Variants in ATRN observed in about 807,000 individuals in gnomAD.
ATRN encodes attractin.
A neutral mutation model predicts 178.7 loss-of-function variants in ATRN; 54 were observed. The ratio of observed to expected loss-of-function variants is 0.30; its 90% CI spans 0.24 to 0.38. The LOEUF is 0.38. Ranked by LOEUF, ATRN falls within the 10% of genes least tolerant of loss-of-function variation. The pLI is 1.00. For missense variants in ATRN, 1,443 were observed against 1,815.1 expected, an observed-to-expected ratio of 0.79 and a Z score of 3.73; for synonymous variants, 636 against 663.0, an observed-to-expected ratio of 0.96 and a Z score of 0.63.
chr20:3,573,757 ATTTT>A (rs1233485691), intron 12 of ATRN, among the ~76,000 whole-genome samples: 1 of 69,278 alleles, frequency 1.4e-5, no homozygotes, highest in African/African-American at 6.4e-5. Flanking sequence ...GTTTTATTTT[ATTTT>A]ATTTATTTAT....
At chr20:3,581,861 T>C (rs748605552) in intron 15 of ATRN, among the ~76,000 whole-genome samples, 10 of 152,188 alleles carry the variant, frequency 6.6e-5, no homozygotes, top group Non-Finnish European at 4.4e-5. Context: ...CATGGCTGAG[T>C]CAAGGGATAA....
At chr20:3,611,905 G>A (rs2086772457) in intron 24 of ATRN, among the ~76,000 whole-genome samples, 1 of 152,180 alleles carries the variant, frequency 6.6e-6, no homozygotes, top group South Asian at 2.1e-4. Context: ...GGGAATATAA[G>A]ATGGTACAGT....
intron 1 of ATRN, among the ~76,000 whole-genome samples, chr20:3,528,016 T>C (rs1213494419): frequency 6.6e-6 from 1 of 152,056 alleles, no homozygotes; most frequent in African/African-American, 2.4e-5. Context: ...CGTGTGTACC[T>C]GTGTAACAAA....
At chr20:3,605,700 A>G (rs2086667674) in intron 24 of ATRN, among the ~76,000 whole-genome samples, 1 of 152,182 alleles carries the variant, frequency 6.6e-6, no homozygotes. Flanking sequence ...GTGGGAGCCG[A>G]GAACACATGG....
chr20:3,571,708 C>G (rs1314063411), intron 11 of ATRN, among the ~76,000 whole-genome samples: 1 of 152,072 alleles, frequency 6.6e-6, no homozygotes, highest in Admixed American at 6.5e-5. Context: ...GCTGAAGCCC[C>G]GCTCTATGTT....
Position 3,578,708 on chromosome 20 carries a change from C to T in ATRN, c.2480C>T (p.Thr827Ile). The T allele has an allele frequency of 6.2e-7, 1 of 1,614,118 alleles. No individual in the cohort carries two copies. The highest frequency in any genetic ancestry group is 2.2e-5 in the East Asian group (1 of 44,874). ...CACAATGCCCTTTTGGCTTCTCTTACAACCCAGAAGAAGGTAGAATTTGTC... is the reference window on the plus strand; with the variant it reads ...CACAATGCCCTTTTGGCTTCTCTTATAACCCAGAAGAAGGTAGAATTTGTC... Reference protein sequence around the residue: ...RNHNALLASLTTQKKVEFVLK... With the variant: ...RNHNALLASLITQKKVEFVLK... The change falls in exon 15 of 29, where the codon ACA becomes ATA. Residue 827 changes from threonine (T) to isoleucine (I), a missense_variant. By Grantham distance (89) the Thr-to-Ile change is moderately conservative (BLOSUM62 -1). Around this residue, in one of 4 missense-constraint regions of ATRN, gnomAD observed 212 missense variants for 330.7 expected, o/e 0.64. Coordinates refer to ENST00000262919, the MANE Select transcript of ATRN (RefSeq NM_139321.3).
At chr20:3,584,126 G>A in intron 17 of ATRN, 43 bp downstream of exon 17, 5 of 1,575,970 alleles carry the variant, frequency 3.2e-6, no homozygotes, top group Non-Finnish European at 4.3e-6. Context: ...CATGCCCTCT[G>A]TATAGGCAAC....
chr20:3,589,660 T>C (rs2086411392), intron 18 of ATRN, among the ~76,000 whole-genome samples: 1 of 135,632 alleles, frequency 7.4e-6, no homozygotes, highest in Admixed American at 7.4e-5. Flanking sequence ...TGTGTAGATC[T>C]GTCAATATTG....
intron 2 of ATRN, among the ~76,000 whole-genome samples, chr20:3,535,626 C>CACACACACACACACACACACACAT (rs1491226542): frequency 8.1e-4 from 94 of 115,894 alleles, no homozygotes; most frequent in Admixed American, 3.1e-3. Flanking sequence ...CACACACACA[C>CACACACACACACACACACACACAT]ATATATATTT....
At chr20:3,627,086 C>G (rs1263147515) in intron 25 of ATRN, among the ~76,000 whole-genome samples, 1 of 152,168 alleles carries the variant, frequency 6.6e-6, no homozygotes, top group Non-Finnish European at 1.5e-5. Flanking sequence ...TGCGCTCAGT[C>G]AAAATGTATA....
At chr20:3,507,505 T>G (rs2085062884) in intron 1 of ATRN, among the ~76,000 whole-genome samples, 1 of 151,690 alleles carries the variant, frequency 6.6e-6, no homozygotes, top group African/African-American at 2.4e-5. Context: ...CAGTTGTAAT[T>G]AGAACTCCAA....
At chr20:3,633,694 A>G (rs1169274624) in intron 25 of ATRN, among the ~76,000 whole-genome samples, 2 of 152,212 alleles carry the variant, frequency 1.3e-5, no homozygotes, top group Non-Finnish European at 2.9e-5. Context: ...CACCTGGTTT[A>G]TACATGAGAG....
At chr20:3,609,305 G>A (rs920180205) in intron 24 of ATRN, among the ~76,000 whole-genome samples, 8 of 152,042 alleles carry the variant, frequency 5.3e-5, no homozygotes, top group African/African-American at 2.4e-5. Context: ...ATCGAGAATG[G>A]GATTGCTTTC....
rs535178343 is a variant in ATRN, at chr20:3,574,480, A to T, written c.2093-1347A>T. 2.0e-5 allele frequency among the ~76,000 whole-genome samples: 3 copies of T among 152,220 alleles called. No homozygotes were observed. In the East Asian group the frequency reaches 5.8e-4, roughly 29 times the overall value. ...CAGTGAGGCATGAGTGTGCCAGTGCACTCCAGCCTGGGTGACAGAATGAGA... is the reference window on the plus strand; with the variant it reads ...CAGTGAGGCATGAGTGTGCCAGTGCTCTCCAGCCTGGGTGACAGAATGAGA... On this transcript the variant is annotated intron_variant, in intron 12 of 28. Transcript: ENST00000262919.
chr20:3,532,304 C>T (rs2085465510), intron 1 of ATRN, among the ~76,000 whole-genome samples: 4 of 152,186 alleles, frequency 2.6e-5, no homozygotes, highest in Admixed American at 2.0e-4. Context: ...AGTGTGTACA[C>T]ACACACGGAA....
intron 24 of ATRN, chr20:3,615,949 C>T (rs755665967): frequency 8.4e-5 from 31 of 370,548 alleles, no homozygotes; most frequent in Middle Eastern, 1.8e-3. Flanking sequence ...TGTTAAATGA[C>T]GAGTTAATGG....
At chr20:3,646,575 T>C in intron 28 of ATRN, 148 bp from the exon 29 acceptor site, 1 of 1,140,152 alleles carries the variant, frequency 8.8e-7, no homozygotes, top group South Asian at 1.8e-5. Context: ...TCCCTGTGTA[T>C]GTGTACCTTT....
intron 25 of ATRN, among the ~76,000 whole-genome samples, chr20:3,625,143 C>T (rs899082890): frequency 6.6e-6 from 1 of 152,118 alleles, no homozygotes; most frequent in South Asian, 2.1e-4. Flanking sequence ...TGCGCCTTCC[C>T]CACCCCACGT....
intron 15 of ATRN, 33 bp downstream of exon 15, chr20:3,578,805 G>A (rs1208577850): frequency 6.3e-7 from 1 of 1,583,344 alleles, no homozygotes; most frequent in Non-Finnish European, 8.6e-7. Context: ...TAAGTTTCTG[G>A]TTATCCACCT....
Sources: allele counts gnomAD v4.1 joint callset (sites outside exome capture counted in the v4.1 genomes callset), GRCh38; gene constraint gnomAD v4.1.1; regional missense constraint gnomAD v4.1.1; transcripts MANE v1.5; gene names NCBI Gene and HGNC (gene_info 2026-07-23, HGNC 2026-07-21).